Variants in CSMD1 observed in about 807,000 individuals in gnomAD.
CSMD1 encodes the protein CUB and Sushi multiple domains 1.
Under a neutral mutation model 417.5 loss-of-function variants are expected in CSMD1, and 213 were observed. That is an observed-to-expected ratio of 0.51 (90% CI 0.46 to 0.57). The LOEUF is 0.57. Ranked by LOEUF, CSMD1 falls within the 20% of genes least tolerant of loss-of-function variation. CSMD1 has a pLI of 0.00. For missense variants in CSMD1, 6,923 were observed against 4,529.7 expected, an observed-to-expected ratio of 1.53 and a Z score of -15.17; for synonymous variants, 2,862 against 1,736.8, an observed-to-expected ratio of 1.65 and a Z score of -16.11.
At chr8:4,082,678 T>C (rs1024232867) in intron 3 of CSMD1, among the ~76,000 whole-genome samples, 1 of 151,910 alleles carries the variant, frequency 6.6e-6, no homozygotes. Flanking sequence ...GTTAGTTACA[T>C]ATGCATACAT....
chr8:3,464,625 T>A (rs1179061428), intron 12 of CSMD1, among the ~76,000 whole-genome samples: 1 of 150,044 alleles, frequency 6.7e-6, no homozygotes, highest in Non-Finnish European at 1.5e-5. Context: ...TACAATTATA[T>A]ATAGGTAGAA....
chr8:4,248,182 G>T (rs925517101), intron 3 of CSMD1, among the ~76,000 whole-genome samples: 1 of 152,118 alleles, frequency 6.6e-6, no homozygotes, highest in East Asian at 1.9e-4. Flanking sequence ...TTGAAGCCCT[G>T]GAAATTTCAT....
chr8:4,408,360 T>A (rs1796455093), intron 3 of CSMD1, among the ~76,000 whole-genome samples: 1 of 152,206 alleles, frequency 6.6e-6, no homozygotes, highest in African/African-American at 2.4e-5. Context: ...AAAGGGCGTA[T>A]CATCCTCTAC....
chr8:4,190,698 A>G (rs1485579731), intron 3 of CSMD1, among the ~76,000 whole-genome samples: 1 of 152,196 alleles, frequency 6.6e-6, no homozygotes, highest in Non-Finnish European at 1.5e-5. Flanking sequence ...ATTATGAATT[A>G]ACAAACATTT....
chr8:4,855,829 G>C (rs921395859), intron 1 of CSMD1, among the ~76,000 whole-genome samples: 3 of 151,264 alleles, frequency 2.0e-5, no homozygotes, highest in Non-Finnish European at 4.4e-5. Flanking sequence ...AACCAAGTTG[G>C]AAAACACTCT....
chr8:4,650,559 A>G (rs1045172676), intron 1 of CSMD1, among the ~76,000 whole-genome samples: 1 of 152,098 alleles, frequency 6.6e-6, no homozygotes, highest in African/African-American at 2.4e-5. Flanking sequence ...TGCAGAAACA[A>G]CGCATGACAT....
At chr8:3,560,053 A>G (rs1799403529) in intron 10 of CSMD1, among the ~76,000 whole-genome samples, 1 of 152,060 alleles carries the variant, frequency 6.6e-6, no homozygotes, top group Admixed American at 6.6e-5. Context: ...ATGAGAGACA[A>G]TTGATTTTTT....
intron 10 of CSMD1, among the ~76,000 whole-genome samples, chr8:3,506,106 C>A (rs1563103315): frequency 6.6e-6 from 1 of 152,156 alleles, no homozygotes; most frequent in African/African-American, 2.4e-5. Flanking sequence ...GGAGGTGTCT[C>A]ATCGGAGGCC....
chr8:3,772,775 G>C (rs904592643), intron 5 of CSMD1, among the ~76,000 whole-genome samples: 1 of 150,674 alleles, frequency 6.6e-6, no homozygotes, highest in African/African-American at 2.4e-5. Context: ...CGAATGTCTG[G>C]TCTATAAAGC....
At position 4,091,589 on chromosome 8, in the gene CSMD1, T is replaced by C. The variant is rs567535767; in HGVS notation, c.416-59490A>G. Among the ~76,000 whole-genome samples, 9 of 152,294 alleles carry C rather than the reference T, an allele frequency of 5.9e-5. No homozygotes were observed. In the South Asian group the frequency reaches 1.9e-3, roughly 32 times the overall value. ...TTTCTATCCCTCAGTATTATAATTG[T>C]AGGACATACACCTCACATAGAGTAG... On this transcript the variant is annotated intron_variant, in intron 3 of 69. Coordinates refer to ENST00000635120, the MANE Select transcript of CSMD1 (RefSeq NM_033225.6).
chr8:4,512,815 AT>A (rs1368802229), intron 2 of CSMD1, among the ~76,000 whole-genome samples: 1 of 138,342 alleles, frequency 7.2e-6, no homozygotes, highest in African/African-American at 2.5e-5. Context: ...ATGTTCATGG[AT>A]TTAAAAAAAA....
chr8:4,987,852 C>T (rs973385560), intron 1 of CSMD1, among the ~76,000 whole-genome samples: 7 of 152,152 alleles, frequency 4.6e-5, no homozygotes, highest in South Asian at 2.1e-4. Context: ...TTCTTGTCCT[C>T]GAAAATCGGA....
rs147412248 is a variant in CSMD1 at position 3,900,696 on chromosome 8, C to T, written c.818+97207G>A. Among the ~76,000 whole-genome samples, 6 of 151,454 alleles carry T rather than the reference C, an allele frequency of 4.0e-5. No individual in the cohort carries two copies. The East Asian group carries it at 1.2e-3, about 30-fold the overall frequency. ...TAGGTGACAGTGTAGCTTGGTGGCCCTGAAGCTGGATGACTGTGTAGCTGG... is the reference window on the plus strand; with the variant it reads ...TAGGTGACAGTGTAGCTTGGTGGCCTTGAAGCTGGATGACTGTGTAGCTGG... On this transcript the variant is annotated intron_variant, in intron 5 of 69. Transcript: ENST00000635120.
intron 26 of CSMD1, among the ~76,000 whole-genome samples, chr8:3,250,984 TTG>T (rs1800212985): frequency 6.6e-6 from 1 of 152,212 alleles, no homozygotes. Context: ...GATGAGTAGA[TTG>T]TGAAAATTTT....
At position 4,046,618 on chromosome 8, in the gene CSMD1, A is replaced by G. The variant is rs1180058011; in HGVS notation, c.416-14519T>C. ...ACCTACTGTTGATTGTTGAGTCTTG[A>G]TAATTCCATCATAACAAACAACAAG... On this transcript the variant is annotated intron_variant, in intron 3 of 69. Coordinates refer to ENST00000635120, the MANE Select transcript of CSMD1 (RefSeq NM_033225.6). Among the ~76,000 whole-genome samples, 3 of 152,162 alleles carry G rather than the reference A, an allele frequency of 2.0e-5. No homozygotes were observed. The South Asian group carries it at 6.2e-4, about 32-fold the overall frequency.
chr8:3,675,990 T>C (rs1312480280), intron 7 of CSMD1, among the ~76,000 whole-genome samples: 1 of 152,228 alleles, frequency 6.6e-6, no homozygotes, highest in Non-Finnish European at 1.5e-5. Context: ...TCAGAGACTC[T>C]GTAATAGTTT....
chr8:4,415,805 ATG>A (rs1231710718), intron 3 of CSMD1, among the ~76,000 whole-genome samples: 1 of 152,172 alleles, frequency 6.6e-6, no homozygotes, highest in African/African-American at 2.4e-5. Context: ...GTTTACATGT[ATG>A]TGCATTTTTG....
chr8:4,051,881 T>C lies in CSMD1; in HGVS notation c.416-19782A>G, dbSNP rs965742966. Among the ~76,000 whole-genome samples, 453 of 134,088 alleles carry C rather than the reference T, an allele frequency of 3.4e-3. 4 individuals are homozygous for C. The highest frequency in any genetic ancestry group is 0.012 in the African/African-American group (406 of 33,022). 88.0% of individuals were successfully genotyped at this position (134,088 alleles called of 152,430 possible). ...CTTTCTTTCTTTCCTTCCTCCTTTC[T>C]TCCTTCCTTCCTTCCTTCCTTCCTT... is the stretch of plus-strand genomic sequence containing the variant. On this transcript the variant is annotated intron_variant, in intron 3 of 69. Transcript: ENST00000635120.
rs75705011 is a variant in CSMD1 at position 4,130,349 on chromosome 8, T to C, written c.416-98250A>G. ...GGTCTTCTATTCCAAAGACCCCCAG[T>C]AATGGAAGTGGAATTTGATCCTAAT... On this transcript the variant is annotated intron_variant, in intron 3 of 69. Transcript: ENST00000635120. Among the ~76,000 whole-genome samples, 66 of 152,246 alleles carry C rather than the reference T, an allele frequency of 4.3e-4. 1 individual carries two copies. The East Asian group carries it at 0.012, about 28-fold the overall frequency.
Sources: allele counts gnomAD v4.1 joint callset (sites outside exome capture counted in the v4.1 genomes callset), GRCh38; gene constraint gnomAD v4.1.1; transcripts MANE v1.5; gene names NCBI Gene and HGNC (gene_info 2026-07-23, HGNC 2026-07-21).